The following MMAB variants were observed in gnomAD, a reference collection of about 807,000 sequenced individuals.
MMAB encodes the protein corrinoid adenosyltransferase MMAB.
MMAB carries 17 observed loss-of-function variants against 30.6 expected under a neutral mutation model. That is an observed-to-expected ratio of 0.56 (90% CI 0.38 to 0.83). MMAB has a LOEUF of 0.83. MMAB is among the 40% of genes least tolerant of loss of function. The probability of loss-of-function intolerance (pLI) is 0.00; values close to 1 mark genes in which losing one functional copy is unlikely to be tolerated. For missense variants in MMAB, 311 were observed against 331.6 expected (o/e 0.94, Z 0.48); for synonymous variants, 134 against 138.6 (o/e 0.97, Z 0.23).
chr12:109,554,772 T>C lies in MMAB; in HGVS notation c.*2256A>G. 2.2e-6 allele frequency: 1 copy of C among 454,144 alleles called. No individual in the cohort carries two copies. The highest frequency in any genetic ancestry group is 6.9e-4 in the Middle Eastern group (1 of 1,444). 28.1% of individuals were successfully genotyped at this position (454,144 alleles called of 1,614,324 possible). A position where few individuals can be genotyped will look rare whatever the true frequency, so the allele number is the denominator to read the frequency against. On this transcript the variant is annotated 3_prime_UTR_variant, in exon 9 of 9. Coordinates refer to ENST00000545712, the MANE Select transcript of MMAB (RefSeq NM_052845.4). ...TGCCTCGGGCTCTTGATAGAGCTTT[T>C]GAAAGGCACTGCAGAAGAGCAAATG...
chr12:109,571,837 G>T (rs1458441322), intron 1 of MMAB, 127 bp from the exon 2 acceptor site: 1 of 761,844 alleles, frequency 1.3e-6, no homozygotes, highest in East Asian at 2.6e-5. Context: ...CTGCTTAGAT[G>T]GTCATCTCTT....
intron 2 of MMAB, chr12:109,570,212 G>A (rs1884586097): frequency 4.2e-5 from 8 of 191,774 alleles, no homozygotes; most frequent in South Asian, 4.0e-4. Context: ...AGCTGAGATC[G>A]TGCCACTGCA....
In MMAB at chr12:109,556,795, C is replaced by T; in HGVS notation, c.*233G>A. On this transcript the variant is annotated 3_prime_UTR_variant, in exon 9 of 9. Transcript: ENST00000545712. ...CTGCAATGCCAATTCATTCCCACAT[C>T]CCTCCAAGACCCAGGAGAGCTTGGG... 1 of 647,706 alleles carries T rather than the reference C, an allele frequency of 1.5e-6. No individual in the cohort carries two copies. The allele number at this position is 647,706 out of a possible 1,614,324, so 40.1% of individuals were successfully genotyped here. A position where few individuals can be genotyped will look rare whatever the true frequency, so the allele number is the denominator to read the frequency against.
Position 109,556,652 on chromosome 12 carries a change from A to ACT in MMAB, c.*375_*376insAG, listed in dbSNP as rs1299867971. 1.7e-5 allele frequency: 2 copies of ACT among 116,716 alleles called. No individual in the cohort carries two copies. The highest frequency in any genetic ancestry group is 9.8e-5 in the African/African-American group (2 of 20,488). The allele number at this position is 116,716 out of a possible 1,614,324, so 7.2% of individuals were successfully genotyped here. On this transcript the variant is annotated 3_prime_UTR_variant, in exon 9 of 9. Transcript: ENST00000545712. ...TGGCAGTGGGAGGGCTCTCTCTCACACACACACACACACACACACACACAC... is the reference window on the plus strand; with the variant it reads ...TGGCAGTGGGAGGGCTCTCTCTCACACTCACACACACACACACACACACACAC...
intron 1 of MMAB, 111 bp downstream of exon 1, chr12:109,573,236 G>A: frequency 7.0e-7 from 1 of 1,435,030 alleles, no homozygotes; most frequent in Non-Finnish European, 9.7e-7. Flanking sequence ...ACAGCGTGGA[G>A]ACGTCACCTG....
In MMAB at chr12:109,573,291, G is replaced by A. The variant is rs1053347096; in HGVS notation, c.134+56C>T. 3.7e-6 allele frequency: 6 copies of A among 1,608,874 alleles called. No homozygotes were observed. In the African/African-American group the frequency reaches 6.7e-5, roughly 18 times the overall value. On this transcript the variant is annotated intron_variant, in intron 1 of 8. Coordinates refer to ENST00000545712, the MANE Select transcript of MMAB (RefSeq NM_052845.4). ...CACGGCGGTGTGACGTACCCATGGC[G>A]ACGACACCACGATTCACGGCAGGTG...
Position 109,561,035 on chromosome 12 carries a change from C to T in MMAB, c.584+5G>A, listed in dbSNP as rs1396690299. 6.2e-7 allele frequency: 1 copy of T among 1,608,414 alleles called. No homozygotes were observed. Among genetic ancestry groups the T allele is most frequent in the East Asian group, 2.2e-5 (1 of 44,796 alleles). ...GGGCCCTCTCCCTCTCTCCAGCCCTCTTACCGTCTCTCGGCCCGGCGGCAC... is the reference window on the plus strand; with the variant it reads ...GGGCCCTCTCCCTCTCTCCAGCCCTTTTACCGTCTCTCGGCCCGGCGGCAC... On this transcript the variant is annotated splice_donor_5th_base_variant and intron_variant, in intron 7 of 8. Coordinates refer to ENST00000545712, the MANE Select transcript of MMAB (RefSeq NM_052845.4). The surrounding 1 kb of genome is among the most constrained non-coding windows in gnomAD (Gnocchi z 5.3).
chr12:109,554,565 C>G lies in MMAB; in HGVS notation c.*2463G>C, dbSNP rs1336392546. On this transcript the variant is annotated 3_prime_UTR_variant, in exon 9 of 9. Coordinates refer to ENST00000545712, the MANE Select transcript of MMAB (RefSeq NM_052845.4). ...ACAGGCTGCTGTTTGTTTCAAAACC[C>G]CGTGTTCCCGTGCAATGGGACTGAT... is the stretch of plus-strand genomic sequence containing the variant. The G allele has an allele frequency of 2.2e-6, 1 of 453,986 alleles. No homozygotes were observed. The highest frequency in any genetic ancestry group is 4.4e-6 in the Non-Finnish European group (1 of 226,806). 28.1% of individuals were successfully genotyped at this position (453,986 alleles called of 1,614,324 possible).
At chr12:109,557,569 G>A (rs536703605) in intron 8 of MMAB, among the ~76,000 whole-genome samples, 206 of 152,334 alleles carry the variant, frequency 1.4e-3, no homozygotes, top group African/African-American at 4.8e-3. Context: ...GCTGGGCTGG[G>A]CCCGGGGCTC....
intron 3 of MMAB, chr12:109,567,770 T>G (rs938285637): frequency 3.9e-5 from 6 of 152,258 alleles, no homozygotes; most frequent in Non-Finnish European, 2.9e-5. Context: ...TAGCTGGGAC[T>G]ACAGGTGTGC....
At chr12:109,566,414 G>A (rs956390191) in intron 3 of MMAB, among the ~76,000 whole-genome samples, 1 of 152,214 alleles carries the variant, frequency 6.6e-6, no homozygotes, top group Non-Finnish European at 1.5e-5. Flanking sequence ...TGTGATTCCC[G>A]TCTGGTGTGT....
chr12:109,573,268 C>T, intron 1 of MMAB, 79 bp downstream of exon 1: 2 of 1,586,776 alleles, frequency 1.3e-6, no homozygotes, highest in East Asian at 2.3e-5. Flanking sequence ...GGTGACCTCA[C>T]GGCGGTGTGA....
At position 109,555,639 on chromosome 12, in the gene MMAB, G is replaced by T. The variant is rs563901187; in HGVS notation, c.*1389C>A. The T allele has an allele frequency of 2.2e-6, 1 of 450,604 alleles. No homozygotes were observed. Among genetic ancestry groups the T allele is most frequent in the Non-Finnish European group, 4.5e-6 (1 of 224,524 alleles). 27.9% of individuals were successfully genotyped at this position (450,604 alleles called of 1,614,324 possible). A position where few individuals can be genotyped will look rare whatever the true frequency, so the allele number is the denominator to read the frequency against. On this transcript the variant is annotated 3_prime_UTR_variant, in exon 9 of 9. Coordinates refer to ENST00000545712, the MANE Select transcript of MMAB (RefSeq NM_052845.4). ...AGTGACGATGGGGGCAGGGAGGCAC[G>T]GAACAAAGCCACCTCCTGGAAGGCA...
chr12:109,561,724 A>T lies in MMAB; in HGVS notation c.421+56T>A. 1 of 1,494,856 alleles carries T rather than the reference A, an allele frequency of 6.7e-7. No homozygotes were observed. The highest frequency in any genetic ancestry group is 9.2e-7 in the Non-Finnish European group (1 of 1,091,012). 92.6% of individuals were successfully genotyped at this position (1,494,856 alleles called of 1,614,324 possible). On this transcript the variant is annotated intron_variant, in intron 5 of 8. Transcript: ENST00000545712. The surrounding 1 kb of genome is among the most constrained non-coding windows in gnomAD (Gnocchi z 5.3). ...GCCTGGGATCCCAGATGGTGACCCT[A>T]GGAGAGTCCCCTGACCCTAGGGCCC...
rs1278949320 is a variant in MMAB, at chr12:109,555,445, G to C, written c.*1583C>G. 4 of 365,138 alleles carry C rather than the reference G, an allele frequency of 1.1e-5. No homozygotes were observed. Among genetic ancestry groups the C allele is most frequent in the Non-Finnish European group, 2.0e-5 (4 of 198,390 alleles). The allele number at this position is 365,138 out of a possible 1,614,324, so 22.6% of individuals were successfully genotyped here. A position where few individuals can be genotyped will look rare whatever the true frequency, so the allele number is the denominator to read the frequency against. ...TTACAGGCACCCGCCACCATGCCCA[G>C]CTAATTTTTTTTTTTTTTTTTTTTT... On this transcript the variant is annotated 3_prime_UTR_variant, in exon 9 of 9. Coordinates refer to ENST00000545712, the MANE Select transcript of MMAB (RefSeq NM_052845.4).
chr12:109,560,658 T>G (rs1884158107), intron 7 of MMAB, among the ~76,000 whole-genome samples: 2 of 152,236 alleles, frequency 1.3e-5, no homozygotes, highest in African/African-American at 4.8e-5. Context: ...TGTCTACCCC[T>G]GTCCCCAAGA....
intron 2 of MMAB, chr12:109,570,090 C>T (rs1318580967): frequency 2.8e-5 from 9 of 318,072 alleles, no homozygotes; most frequent in Non-Finnish European, 5.1e-5. Flanking sequence ...GGCAAATCCC[C>T]GTCTCTACTA....
rs557884699 is a variant in MMAB at position 109,561,485 on chromosome 12, C to T, written c.454G>A (p.Glu152Lys). The change falls in exon 6 of 9, where the codon GAG becomes AAG. Residue 152 changes from glutamate to lysine, a missense_variant. Coordinates refer to ENST00000545712, the MANE Select transcript of MMAB (RefSeq NM_052845.4). The surrounding 1 kb of genome is among the most constrained non-coding windows in gnomAD (Gnocchi z 5.3). ...TACTTGTCGATCCACTGCTCCAGCTCCAGGATGGGCCCCGCCTTGAACGTG... is the reference window on the plus strand; with the variant it reads ...TACTTGTCGATCCACTGCTCCAGCTTCAGGATGGGCCCCGCCTTGAACGTG... ...YTTFKAGPIL[E>K]LEQWIDKYTS... 6.5e-7 allele frequency: 1 copy of T among 1,550,344 alleles called. No homozygotes were observed. Among genetic ancestry groups the T allele is most frequent in the East Asian group, 2.4e-5 (1 of 40,906 alleles).
At chr12:109,568,538 A>C (rs1884519628) in intron 3 of MMAB, 3 of 606,310 alleles carry the variant, frequency 4.9e-6, no homozygotes, top group Non-Finnish European at 8.8e-6. Flanking sequence ...AGGCAGCTTC[A>C]CATGGCATGG....
Sources: allele counts gnomAD v4.1 joint callset (sites outside exome capture counted in the v4.1 genomes callset), GRCh38; gene constraint gnomAD v4.1.1; non-coding constraint Gnocchi (gnomAD v3.1); transcripts MANE v1.5; gene names NCBI Gene and HGNC (gene_info 2026-07-23, HGNC 2026-07-21).